The following EYS variants were observed in gnomAD, a reference collection of about 807,000 sequenced individuals.
The protein encoded by EYS is protein eyes shut homolog.
Under a neutral mutation model 282.1 loss-of-function variants are expected in EYS, and 250 were observed. That is an observed-to-expected ratio of 0.89 (90% CI 0.80 to 0.98). The LOEUF is 0.98. Ranked by LOEUF, EYS falls within the 50% of genes least tolerant of loss-of-function variation. The probability of loss-of-function intolerance (pLI) is 0.00; values close to 1 mark genes in which losing one functional copy is unlikely to be tolerated. For missense variants in EYS, 4,016 were observed against 3,709.0 expected, an observed-to-expected ratio of 1.08 and a Z score of -2.15; for synonymous variants, 1,355 against 1,282.9, an observed-to-expected ratio of 1.06 and a Z score of -1.20.
At chr6:65,117,728 A>G (rs550396047) in intron 12 of EYS, among the ~76,000 whole-genome samples, 10 of 152,372 alleles carry the variant, frequency 6.6e-5, no homozygotes, top group Non-Finnish European at 1.3e-4. Flanking sequence ...TAGGAAAAGC[A>G]GACAACAAAA....
In EYS at chr6:64,369,278, G is replaced by A. The variant is rs377331069; in HGVS notation, c.6078+19412C>T. On this transcript the variant is annotated intron_variant, in intron 29 of 42. Transcript: ENST00000503581. ...TCTCGATTTTGTTCCATTGTTCTAT[G>A]TGTCTATTTTTATACCACTGCCATC... Among the ~76,000 whole-genome samples the A allele has an allele frequency of 2.6e-5, 4 of 152,042 alleles. No individual in the cohort carries two copies. In the East Asian group the frequency reaches 5.8e-4, roughly 22 times the overall value.
Position 65,426,743 on chromosome 6 carries a change from A to G in EYS, c.863-21376T>C, listed in dbSNP as rs1006572068. ...CTACACTATTTTCCTTTTTAATCATAGGCAAGGAATTTACAATACATATTG... is the reference window on the plus strand; with the variant it reads ...CTACACTATTTTCCTTTTTAATCATGGGCAAGGAATTTACAATACATATTG... On this transcript the variant is annotated intron_variant, in intron 5 of 42. Coordinates refer to ENST00000503581, the MANE Select transcript of EYS (RefSeq NM_001142800.2). 3.3e-5 allele frequency among the ~76,000 whole-genome samples: 5 copies of G among 152,284 alleles called. No individual in the cohort carries two copies. In the East Asian group the frequency reaches 7.7e-4, roughly 24 times the overall value.
At chr6:65,518,709 C>T (rs938034520) in intron 2 of EYS, among the ~76,000 whole-genome samples, 2 of 152,084 alleles carry the variant, frequency 1.3e-5, no homozygotes, top group Non-Finnish European at 2.9e-5. Context: ...AAGACATACC[C>T]AAGACTGGGT....
chr6:64,094,497 T>C (rs1378107123), intron 31 of EYS, among the ~76,000 whole-genome samples: 2 of 152,222 alleles, frequency 1.3e-5, no homozygotes, highest in Non-Finnish European at 2.9e-5. Context: ...GGTGTATGTG[T>C]CGAGGAATTT....
chr6:65,183,288 A>G (rs1765436887), intron 12 of EYS, among the ~76,000 whole-genome samples: 2 of 151,922 alleles, frequency 1.3e-5, no homozygotes, highest in South Asian at 4.1e-4. Context: ...TGCATTTTCC[A>G]TCTGTCAAAA....
At chr6:63,866,374 A>G (rs1183920673) in intron 35 of EYS, among the ~76,000 whole-genome samples, 1 of 152,200 alleles carries the variant, frequency 6.6e-6, no homozygotes, top group Non-Finnish European at 1.5e-5. Flanking sequence ...CTAGGAAAGT[A>G]GCATTCTTGA....
chr6:63,726,416 A>G (rs1768617157), intron 42 of EYS, 103 bp downstream of exon 42: 1 of 1,017,164 alleles, frequency 9.8e-7, no homozygotes, highest in African/African-American at 1.7e-5. Flanking sequence ...TAAAAGCATC[A>G]AATGTTTACA....
intron 2 of EYS, among the ~76,000 whole-genome samples, chr6:65,544,116 G>A (rs976589524): frequency 9.2e-5 from 14 of 151,440 alleles, no homozygotes; most frequent in African/African-American, 3.4e-4. Context: ...GTTTTGTTTT[G>A]TTTTTCCATT....
intron 28 of EYS, among the ~76,000 whole-genome samples, chr6:64,393,130 C>A (rs1438753725): frequency 1.3e-5 from 2 of 152,052 alleles, no homozygotes; most frequent in African/African-American, 4.8e-5. Context: ...GAAATTGTGG[C>A]AATAATCAAT....
intron 26 of EYS, among the ~76,000 whole-genome samples, chr6:64,441,783 G>A (rs1774958235): frequency 6.6e-6 from 1 of 152,168 alleles, no homozygotes; most frequent in South Asian, 2.1e-4. Context: ...ATCCATGTAA[G>A]AGGTGACTTG....
At chr6:64,537,814 T>C (rs1764575053) in intron 26 of EYS, among the ~76,000 whole-genome samples, 1 of 152,190 alleles carries the variant, frequency 6.6e-6, no homozygotes, top group African/African-American at 2.4e-5. Flanking sequence ...TGACTTTCCA[T>C]TGCAACCACC....
chr6:65,135,640 A>C (rs940819988), intron 12 of EYS, among the ~76,000 whole-genome samples: 2 of 149,394 alleles, frequency 1.3e-5, no homozygotes, highest in South Asian at 4.2e-4. Flanking sequence ...TTCAGTTAAC[A>C]GTGAAATAGT....
intron 12 of EYS, among the ~76,000 whole-genome samples, chr6:65,193,748 C>A (rs1765698504): frequency 6.6e-6 from 1 of 151,324 alleles, no homozygotes; most frequent in South Asian, 2.1e-4. Context: ...CAATATAATA[C>A]AAAAGAGATA....
At chr6:65,534,427 A>C (rs1313244043) in intron 2 of EYS, among the ~76,000 whole-genome samples, 1 of 152,166 alleles carries the variant, frequency 6.6e-6, no homozygotes, top group Non-Finnish European at 1.5e-5. Context: ...GAGAATGACC[A>C]AAAGGGGTGA....
chr6:65,393,335 G>A (rs1433889501), intron 7 of EYS, among the ~76,000 whole-genome samples: 1 of 151,806 alleles, frequency 6.6e-6, no homozygotes, highest in Non-Finnish European at 1.5e-5. Flanking sequence ...AAAAAAATTA[G>A]CCTTATAAAT....
intron 12 of EYS, among the ~76,000 whole-genome samples, chr6:65,128,827 A>G (rs995522291): frequency 6.6e-6 from 1 of 152,006 alleles, no homozygotes; most frequent in Non-Finnish European, 1.5e-5. Flanking sequence ...TGAAATTCAT[A>G]TGGAACAATA....
chr6:63,889,235 T>C (rs1773346346), intron 35 of EYS, among the ~76,000 whole-genome samples: 1 of 152,130 alleles, frequency 6.6e-6, no homozygotes, highest in Admixed American at 6.5e-5. Flanking sequence ...TATCCAGAAC[T>C]TCCCCAACCT....
intron 14 of EYS, among the ~76,000 whole-genome samples, chr6:64,962,717 C>A (rs1314688855): frequency 6.6e-6 from 1 of 152,078 alleles, no homozygotes; most frequent in Non-Finnish European, 1.5e-5. Context: ...CATTGTACTC[C>A]AGCCTGGGCA....
At chr6:64,056,412 A>G (rs1770986613) in intron 33 of EYS, among the ~76,000 whole-genome samples, 1 of 152,168 alleles carries the variant, frequency 6.6e-6, no homozygotes, top group Admixed American at 6.5e-5. Flanking sequence ...TGCATCATCA[A>G]TCCAAGACTT....
Sources: gnomAD v4.1 joint callset for allele counts (sites outside exome capture counted in the v4.1 genomes callset) on GRCh38, gnomAD v4.1.1 for gene constraint, MANE v1.5 for transcripts, NCBI Gene and HGNC (gene_info 2026-07-23, HGNC 2026-07-21) for gene names.